PEX13: variants seen among roughly 807,000 people sequenced by gnomAD.
The protein encoded by PEX13 is peroxisomal biogenesis factor 13.
A neutral mutation model predicts 34.5 loss-of-function variants in PEX13; 28 were observed. That is an observed-to-expected ratio of 0.81 (90% CI 0.60 to 1.11). The LOEUF (loss-of-function observed/expected upper bound fraction) is 1.11, where lower values mean the gene tolerates loss of function less well. Among genes scored for constraint, PEX13 ranks in the 50% most tolerant of loss-of-function variants. The pLI is 0.00. For synonymous variants in PEX13, 177 were observed against 175.1 expected, an observed-to-expected ratio of 1.01 and a Z score of -0.09; for missense variants, 550 against 491.0, an observed-to-expected ratio of 1.12 and a Z score of -1.13.
intron 2 of PEX13, 57 bp from the exon 3 acceptor site, chr2:61,045,669 A>AATAT (rs1454921732): frequency 6.5e-7 from 1 of 1,533,060 alleles, no homozygotes; most frequent in African/African-American, 1.4e-5. Context: ...TAGCCAGTGA[A>AATAT]ATATCTGCAT....
At chr2:61,046,001 A>C (rs966870755) in intron 3 of PEX13, 150 bp downstream of exon 3, 2 of 698,300 alleles carry the variant, frequency 2.9e-6, no homozygotes, top group African/African-American at 1.8e-5. Flanking sequence ...AGAGCTTCCA[A>C]ATCTGGAGGA....
intron 1 of PEX13, among the ~76,000 whole-genome samples, chr2:61,029,149 A>AG (rs927544188): frequency 7.2e-5 from 11 of 151,912 alleles, no homozygotes; most frequent in African/African-American, 2.2e-4. Context: ...CAAAAAAAAA[A>AG]AAAAAAGAGG....
Position 61,031,858 on chromosome 2 carries a change from G to A in PEX13, c.532G>A (p.Val178Met). The change falls in exon 2 of 4, where the codon GTG becomes ATG. Residue 178 changes from valine to methionine, a missense_variant. By Grantham distance (21) the Val-to-Met change is conservative. Coordinates refer to ENST00000295030, the MANE Select transcript of PEX13 (RefSeq NM_002618.4). Reference protein sequence around the residue: ...FSRLKIHFTKVFSAFALVRTI... With the variant: ...FSRLKIHFTKMFSAFALVRTI... ...CCGATTGAAAATACACTTTACAAAA[G>A]TGTTTTCAGCTTTTGCATTGGTTAG... 6.2e-7 allele frequency: 1 copy of A among 1,613,344 alleles called. No homozygotes were observed. Among genetic ancestry groups the A allele is most frequent in the Non-Finnish European group, 8.5e-7 (1 of 1,179,278 alleles).
chr2:61,021,758 C>T lies in PEX13; in HGVS notation c.92+3907C>T, dbSNP rs571188145. 1.0e-3 allele frequency among the ~76,000 whole-genome samples: 158 copies of T among 152,336 alleles called. 1 individual carries two copies. The highest frequency in any genetic ancestry group is 3.6e-3 in the African/African-American group (148 of 41,588). ...CCCCGTGTAGCCTGACTGGGAAACA[C>T]CTCCCAGTAGGGGCTGACAGACACC... On this transcript the variant is annotated intron_variant, in intron 1 of 3. Coordinates refer to ENST00000295030, the MANE Select transcript of PEX13 (RefSeq NM_002618.4).
Position 61,031,839 on chromosome 2 carries a change from G to A in PEX13, c.513G>A (p.Leu171=). ...VLDVANHFSR[L]KIHFTKVFSA... Reference sequence around the variant, plus strand: ...ATGTAGCAAATCACTTTTCCCGATTGAAAATACACTTTACAAAAGTGTTTT... The same window carrying A: ...ATGTAGCAAATCACTTTTCCCGATTAAAAATACACTTTACAAAAGTGTTTT... The change falls in exon 2 of 4, where the codon TTG becomes TTA. Residue 171 remains leucine, a synonymous_variant. Transcript: ENST00000295030. The A allele has an allele frequency of 1.2e-6, 2 of 1,613,460 alleles. No individual in the cohort carries two copies. The highest frequency in any genetic ancestry group is 1.7e-6 in the Non-Finnish European group (2 of 1,179,390).
chr2:61,042,492 G>T (rs956174788), intron 2 of PEX13, among the ~76,000 whole-genome samples: 2 of 151,840 alleles, frequency 1.3e-5, no homozygotes, highest in African/African-American at 4.8e-5. Context: ...TTTCGTTATT[G>T]AATTAGATAG....
intron 1 of PEX13, among the ~76,000 whole-genome samples, chr2:61,025,834 T>G (rs1680344611): frequency 6.6e-6 from 1 of 152,226 alleles, no homozygotes; most frequent in Non-Finnish European, 1.5e-5. Flanking sequence ...AACTTGGTTT[T>G]CATTCCTGCC....
chr2:61,023,856 C>T (rs139194505), intron 1 of PEX13, among the ~76,000 whole-genome samples: 95 of 151,108 alleles, frequency 6.3e-4, no homozygotes, highest in Admixed American at 1.5e-3. Context: ...AGTGTGGTGA[C>T]GCAATCACAC....
intron 1 of PEX13, among the ~76,000 whole-genome samples, chr2:61,026,341 T>C (rs1267567571): frequency 7.0e-6 from 1 of 143,694 alleles, no homozygotes; most frequent in Non-Finnish European, 1.5e-5. Context: ...CCTTTTCTTT[T>C]TTCTTTTTTT....
chr2:61,033,348 G>A (rs1339581236), intron 2 of PEX13, among the ~76,000 whole-genome samples: 2 of 152,128 alleles, frequency 1.3e-5, no homozygotes, highest in Admixed American at 6.5e-5. Context: ...AGAGGATGTA[G>A]TTACTGACTA....
chr2:61,047,265 C>A (rs534317697), intron 3 of PEX13, among the ~76,000 whole-genome samples: 2 of 152,194 alleles, frequency 1.3e-5, no homozygotes, highest in South Asian at 4.1e-4. Context: ...AAGTGATTCT[C>A]CTGCCTCAGC....
rs767895802 is a variant in PEX13, at chr2:61,031,543, C to G, written c.217C>G (p.Pro73Ala). ...TGSSSVNTFRPAYSSFSSGYG... is the reference protein window; with the variant it reads ...TGSSSVNTFRAAYSSFSSGYG... ...AAGTAGCAGTGTGAACACTTTTAGACCTGCTTACAGTTCATTTTCTTCTGG... is the reference window on the plus strand; with the variant it reads ...AAGTAGCAGTGTGAACACTTTTAGAGCTGCTTACAGTTCATTTTCTTCTGG... Residue 73 changes from proline to alanine, a missense_variant, in exon 2 of 4, where the codon CCT becomes GCT. Transcript: ENST00000295030. 1.9e-6 allele frequency: 3 copies of G among 1,614,100 alleles called. No individual in the cohort carries two copies. The highest frequency in any genetic ancestry group is 3.3e-5 in the Admixed American group (2 of 60,008).
intron 2 of PEX13, among the ~76,000 whole-genome samples, chr2:61,040,515 T>C (rs1350112567): frequency 6.6e-6 from 1 of 151,966 alleles, no homozygotes; most frequent in Non-Finnish European, 1.5e-5. Context: ...ATGTTCTCAC[T>C]CATAGGTGGG....
At chr2:61,033,365 G>A (rs1378353554) in intron 2 of PEX13, among the ~76,000 whole-genome samples, 2 of 152,146 alleles carry the variant, frequency 1.3e-5, no homozygotes, top group Non-Finnish European at 2.9e-5. Context: ...ACTAAATGAG[G>A]TATATAAAGG....
In PEX13 at chr2:61,050,704, C is replaced by T. The variant is rs1433287060; in HGVS notation, c.*1934C>T. On this transcript the variant is annotated 3_prime_UTR_variant, in exon 4 of 4. Transcript: ENST00000295030. ...GCGCGATCTCGGCTCACTGCAAGCTCCGCCTCCCGGGTTCACGCCATTCTC... is the reference window on the plus strand; with the variant it reads ...GCGCGATCTCGGCTCACTGCAAGCTTCGCCTCCCGGGTTCACGCCATTCTC... 5 of 152,192 alleles carry T rather than the reference C, an allele frequency of 3.3e-5. No individual in the cohort carries two copies. The highest frequency in any genetic ancestry group is 4.4e-5 in the Non-Finnish European group (3 of 68,046). 9.4% of individuals were successfully genotyped at this position (152,192 alleles called of 1,614,324 possible). A position where few individuals can be genotyped will look rare whatever the true frequency, so the allele number is the denominator to read the frequency against.
At chr2:61,046,284 A>G (rs1680703633) in intron 3 of PEX13, among the ~76,000 whole-genome samples, 1 of 152,160 alleles carries the variant, frequency 6.6e-6, no homozygotes, top group African/African-American at 2.4e-5. Context: ...CATCATAAGT[A>G]TTTTAGGAAA....
intron 2 of PEX13, among the ~76,000 whole-genome samples, chr2:61,044,563 T>A (rs1041706425): frequency 6.6e-6 from 1 of 152,120 alleles, no homozygotes; most frequent in African/African-American, 2.4e-5. Context: ...ATTTTGTATT[T>A]TTAGTAGTAA....
chr2:61,046,957 T>C (rs1311782365), intron 3 of PEX13, among the ~76,000 whole-genome samples: 1 of 152,158 alleles, frequency 6.6e-6, no homozygotes, highest in Non-Finnish European at 1.5e-5. Context: ...AGGTGCAGTG[T>C]GTGCACCTAT....
intron 1 of PEX13, among the ~76,000 whole-genome samples, chr2:61,024,862 G>A (rs546131281): frequency 7.2e-5 from 11 of 152,142 alleles, no homozygotes; most frequent in African/African-American, 2.6e-4. Flanking sequence ...TTTCAGGTTT[G>A]GTTTGGTGTT....
Sources: gnomAD v4.1 joint callset for allele counts (sites outside exome capture counted in the v4.1 genomes callset) on GRCh38, gnomAD v4.1.1 for gene constraint, MANE v1.5 for transcripts, NCBI Gene and HGNC (gene_info 2026-07-23, HGNC 2026-07-21) for gene names.